Variants in MSI2 observed in about 807,000 individuals in gnomAD.
MSI2 encodes musashi RNA binding protein 2, also known as RNA-binding protein Musashi homolog 2.
A neutral mutation model predicts 45.6 loss-of-function variants in MSI2; 17 were observed. The ratio of observed to expected loss-of-function variants is 0.37; its 90% CI spans 0.26 to 0.56. The LOEUF (loss-of-function observed/expected upper bound fraction) is 0.56. Among genes scored for constraint, MSI2 ranks in the 20% least tolerant of loss-of-function variants. MSI2 has a pLI of 0.77. For missense variants in MSI2, 293 were observed against 444.2 expected (o/e 0.66, Z 3.06); for synonymous variants, 156 against 158.2 (o/e 0.99, Z 0.11).
At chr17:57,399,169 G>C (rs1037032640) in intron 5 of MSI2, among the ~76,000 whole-genome samples, 1 of 152,228 alleles carries the variant, frequency 6.6e-6, no homozygotes, top group African/African-American at 2.4e-5. Context: ...GGCCAACCAG[G>C]TCATGAGAGG....
chr17:57,590,945 G>A (rs1016040590), intron 7 of MSI2, among the ~76,000 whole-genome samples: 1 of 152,208 alleles, frequency 6.6e-6, no homozygotes, highest in East Asian at 1.9e-4. Context: ...AGGACCAAGG[G>A]AGATGAGCAG....
At chr17:57,562,878 A>G (rs759043999) in intron 7 of MSI2, among the ~76,000 whole-genome samples, 16 of 152,004 alleles carry the variant, frequency 1.1e-4, no homozygotes, top group Non-Finnish European at 1.0e-4. Context: ...CAGGCGGATC[A>G]CCTGAGGTCA....
intron 6 of MSI2, among the ~76,000 whole-genome samples, chr17:57,414,911 C>T (rs573572811): frequency 7.2e-5 from 11 of 152,178 alleles, no homozygotes; most frequent in African/African-American, 1.4e-4. Flanking sequence ...AGGCAGGTTT[C>T]GGCATAGAGG....
At chr17:57,428,802 C>T (rs1013463435) in intron 6 of MSI2, among the ~76,000 whole-genome samples, 1 of 152,128 alleles carries the variant, frequency 6.6e-6, no homozygotes. Flanking sequence ...CTCCCACCCT[C>T]GCTGTATTGT....
chr17:57,352,047 A>G (rs1916069509), intron 5 of MSI2, among the ~76,000 whole-genome samples: 1 of 152,226 alleles, frequency 6.6e-6, no homozygotes, highest in African/African-American at 2.4e-5. Context: ...GTTCCCTTTC[A>G]TATTCATAAG....
Position 57,667,197 on chromosome 17 carries a change from G to A in MSI2, c.791-7775G>A, listed in dbSNP as rs570994323. Among the ~76,000 whole-genome samples the A allele has an allele frequency of 2.0e-5, 3 of 152,318 alleles. No individual in the cohort carries two copies. The East Asian group carries it at 5.8e-4, about 29-fold the overall frequency. Reference sequence around the variant, plus strand: ...GCATGGGTGCTGCAGGTTCCGGGGAGCCTCCTTGTCTGTTATTCCTTGCAA... The same window carrying A: ...GCATGGGTGCTGCAGGTTCCGGGGAACCTCCTTGTCTGTTATTCCTTGCAA... On this transcript the variant is annotated intron_variant, in intron 11 of 13. Coordinates refer to ENST00000284073, the MANE Select transcript of MSI2 (RefSeq NM_138962.4).
At chr17:57,599,670 G>C (rs1905647191) in intron 8 of MSI2, among the ~76,000 whole-genome samples, 1 of 152,200 alleles carries the variant, frequency 6.6e-6, no homozygotes, top group African/African-American at 2.4e-5. Context: ...GAAGAAGTGG[G>C]GGCAGATTGA....
At chr17:57,580,863 T>A (rs575950831) in intron 7 of MSI2, among the ~76,000 whole-genome samples, 10 of 152,302 alleles carry the variant, frequency 6.6e-5, no homozygotes. Flanking sequence ...CTAAAGTATT[T>A]TCAAGTCTCA....
chr17:57,567,009 T>G (rs1468556690), intron 7 of MSI2, among the ~76,000 whole-genome samples: 1 of 152,166 alleles, frequency 6.6e-6, no homozygotes, highest in Admixed American at 6.5e-5. Flanking sequence ...GGGTGATGTT[T>G]CTCCAAGGAT....
At chr17:57,675,609 C>A (rs1262332506) in intron 12 of MSI2, among the ~76,000 whole-genome samples, 2 of 152,170 alleles carry the variant, frequency 1.3e-5, no homozygotes, top group Admixed American at 6.5e-5. Flanking sequence ...CAGCTCCCCA[C>A]CAGAGTAGCA....
chr17:57,545,612 G>A (rs1473363055), intron 7 of MSI2, among the ~76,000 whole-genome samples: 1 of 152,206 alleles, frequency 6.6e-6, no homozygotes, highest in Non-Finnish European at 1.5e-5. Context: ...AGAGCTGTCT[G>A]AAGTAGCAGG....
intron 7 of MSI2, among the ~76,000 whole-genome samples, chr17:57,567,830 T>TA (rs1238487533): frequency 2.0e-5 from 3 of 152,224 alleles, no homozygotes; most frequent in Non-Finnish European, 4.4e-5. Flanking sequence ...TGTCTACAGT[T>TA]ACAACAGATT....
intron 6 of MSI2, among the ~76,000 whole-genome samples, chr17:57,507,231 G>GTATA (rs2086255491): frequency 3.7e-5 from 1 of 27,344 alleles, no homozygotes; most frequent in African/African-American, 1.0e-4. Flanking sequence ...CTCTCTGTGT[G>GTATA]TGTGTGTGTG....
chr17:57,657,402 G>C (rs1433122633), intron 11 of MSI2, among the ~76,000 whole-genome samples: 1 of 152,156 alleles, frequency 6.6e-6, no homozygotes, highest in African/African-American at 2.4e-5. Context: ...TTGGCCCGAG[G>C]CTGGGGAGTA....
At chr17:57,496,144 C>T (rs1220696693) in intron 6 of MSI2, among the ~76,000 whole-genome samples, 1 of 152,102 alleles carries the variant, frequency 6.6e-6, no homozygotes, top group African/African-American at 2.4e-5. Context: ...TCGCTTGTGT[C>T]ATTTCGGCAT....
At chr17:57,628,886 G>A (rs1477881665) in intron 10 of MSI2, 1 of 152,510 alleles carries the variant, frequency 6.6e-6, no homozygotes, top group Admixed American at 6.5e-5. Context: ...ATGCAAGAAG[G>A]ACCACCACAA....
chr17:57,347,964 GC>G (rs1211447024), intron 5 of MSI2, among the ~76,000 whole-genome samples: 1 of 152,208 alleles, frequency 6.6e-6, no homozygotes, highest in Admixed American at 6.5e-5. Context: ...TTTGGTCTCT[GC>G]CTGCGGGAGC....
intron 8 of MSI2, among the ~76,000 whole-genome samples, chr17:57,600,099 A>C (rs892821808): frequency 6.6e-6 from 1 of 152,230 alleles, no homozygotes; most frequent in Admixed American, 6.5e-5. Context: ...CTGAGGCCCA[A>C]AGAAAAGGAA....
chr17:57,341,787 G>A (rs1452387531), intron 5 of MSI2, among the ~76,000 whole-genome samples: 1 of 152,150 alleles, frequency 6.6e-6, no homozygotes. Context: ...AAAGCCATTT[G>A]AAAAGAGCTT....
Sources: allele counts gnomAD v4.1 joint callset (sites outside exome capture counted in the v4.1 genomes callset), GRCh38; gene constraint gnomAD v4.1.1; transcripts MANE v1.5; gene names NCBI Gene and HGNC (gene_info 2026-07-23, HGNC 2026-07-21).